The following SCML4 variants were observed in gnomAD, a reference collection of about 807,000 sequenced individuals.
SCML4 encodes Scm polycomb group protein like 4.
A neutral mutation model predicts 41.1 loss-of-function variants in SCML4; 34 were observed. That is an observed-to-expected ratio of 0.83 (90% CI 0.63 to 1.10). SCML4 has a LOEUF of 1.10. Ranked by LOEUF, SCML4 falls within the 50% of genes least tolerant of loss-of-function variation. SCML4 has a pLI of 0.00. For missense variants in SCML4, 522 were observed against 534.1 expected (o/e 0.98, Z 0.22); for synonymous variants, 214 against 220.9 (o/e 0.97, Z 0.28).
intron 5 of SCML4, among the ~76,000 whole-genome samples, chr6:107,724,844 G>C (rs1050899369): frequency 6.6e-6 from 1 of 152,152 alleles, no homozygotes; most frequent in Admixed American, 6.6e-5. Context: ...CAAAAACAAA[G>C]TAGAAGGCTC....
In SCML4 at chr6:107,707,881, C is replaced by T. The variant is rs1325692843; in HGVS notation, c.1104G>A (p.Glu368=). 1.9e-6 allele frequency: 3 copies of T among 1,551,724 alleles called. No homozygotes were observed. Among genetic ancestry groups the T allele is most frequent in the South Asian group, 1.2e-5 (1 of 84,060 alleles). ...ACTCGCATACGTGCTTTCTGAAGAG[C>T]TCCACGTGAGGCCCCAGAGCCTGTG... is the stretch of plus-strand genomic sequence containing the variant. ...ADPQALGPHV[E]LFRKHEIDGN... is the part of the protein sequence containing the mutation. Residue 368 remains glutamate (E), a synonymous_variant, in exon 7 of 8, where the codon GAG becomes GAA. Coordinates refer to ENST00000369020, the MANE Select transcript of SCML4 (RefSeq NM_198081.5).
intron 2 of SCML4, among the ~76,000 whole-genome samples, chr6:107,757,077 G>A (rs1779173815): frequency 6.6e-6 from 1 of 152,216 alleles, no homozygotes. Flanking sequence ...CAAAGCGGTA[G>A]GGCAAAGTGT....
At chr6:107,786,393 AG>A (rs1781898652) in intron 1 of SCML4, among the ~76,000 whole-genome samples, 1 of 152,234 alleles carries the variant, frequency 6.6e-6, no homozygotes, top group African/African-American at 2.4e-5. Flanking sequence ...GTGTTTCTCA[AG>A]GAAGTGGCTT....
chr6:107,806,577 C>T (rs961249445), intron 1 of SCML4, among the ~76,000 whole-genome samples: 15 of 152,210 alleles, frequency 9.9e-5, no homozygotes, highest in Admixed American at 3.9e-4. Flanking sequence ...TACTCTGCAC[C>T]GGGCCTTCCA....
intron 2 of SCML4, chr6:107,755,446 C>A: frequency 9.9e-6 from 2 of 202,332 alleles, no homozygotes; most frequent in Non-Finnish European, 2.1e-5. Context: ...AAAAAGTAGC[C>A]TAGTGTAGAA....
chr6:107,745,171 G>A (rs775924065), intron 4 of SCML4, 28 bp from the exon 5 acceptor site: 3 of 1,511,708 alleles, frequency 2.0e-6, no homozygotes, highest in Middle Eastern at 1.7e-4. Flanking sequence ...TGTCAGCTTA[G>A]AGCCGGGCAC....
At chr6:107,731,697 A>G (rs1327565678) in intron 5 of SCML4, among the ~76,000 whole-genome samples, 2 of 152,214 alleles carry the variant, frequency 1.3e-5, no homozygotes, top group African/African-American at 4.8e-5. Context: ...CCGTGTGTGA[A>G]CAGTTTGGTT....
chr6:107,716,460 TATA>T (rs1774804960), intron 6 of SCML4, among the ~76,000 whole-genome samples: 1 of 152,168 alleles, frequency 6.6e-6, no homozygotes, highest in African/African-American at 2.4e-5. Flanking sequence ...ACATATAACT[TATA>T]ATAAGTCGGA....
chr6:107,836,577 CAGAA>C, the SCML4 span, among the ~76,000 whole-genome samples: 14 of 152,210 alleles, frequency 9.2e-5, no homozygotes. Context: ...TCACAGCATA[CAGAA>C]TTGTTCACCG....
At chr6:107,806,022 T>C (rs1783695108) in intron 1 of SCML4, among the ~76,000 whole-genome samples, 1 of 152,202 alleles carries the variant, frequency 6.6e-6, no homozygotes, top group Non-Finnish European at 1.5e-5. Context: ...ACCACTTCTC[T>C]TCCCTTGTTT....
chr6:107,772,180 C>T lies in SCML4; in HGVS notation c.148G>A (p.Gly50Arg), dbSNP rs756374873. 1.9e-5 allele frequency: 30 copies of T among 1,549,790 alleles called. No individual in the cohort carries two copies. Among genetic ancestry groups the T allele is most frequent in the South Asian group, 1.2e-4 (10 of 83,802 alleles). Residue 50 changes from glycine to arginine, a missense_variant, in exon 2 of 8, where the codon GGG becomes AGG. Transcript: ENST00000369020. ...KIPKKRGRKP[G>R]YKIKSRVLMT... ...AGATGATGGAGCCGTACCTTGTACC[C>T]GGGTTTCCGCCCTCTTTTCTTTGGG...
At chr6:107,837,039 G>A in the SCML4 span, among the ~76,000 whole-genome samples, 3 of 152,128 alleles carry the variant, frequency 2.0e-5, no homozygotes, top group Non-Finnish European at 2.9e-5. Flanking sequence ...GCATACATTA[G>A]GAATTGTATA....
chr6:107,726,272 G>A (rs371815621), intron 5 of SCML4, among the ~76,000 whole-genome samples: 13 of 151,954 alleles, frequency 8.6e-5, no homozygotes, highest in Non-Finnish European at 5.9e-5. Context: ...GGTGGCTCAC[G>A]CCTGTAATCC....
chr6:107,774,355 G>A (rs1780747524), intron 1 of SCML4, among the ~76,000 whole-genome samples: 1 of 151,788 alleles, frequency 6.6e-6, no homozygotes, highest in African/African-American at 2.4e-5. Flanking sequence ...ATAACTAAAG[G>A]TATCTTAAAG....
the SCML4 span, among the ~76,000 whole-genome samples, chr6:107,840,923 A>G: frequency 1.4e-4 from 21 of 152,266 alleles, no homozygotes; most frequent in Middle Eastern, 3.4e-3. Context: ...TGGGGCCCTC[A>G]GAGTGGGAGT....
At chr6:107,839,342 AAAGAAAGAAAGAAAGAAAGAAAGAAG>A in the SCML4 span, among the ~76,000 whole-genome samples, 3,660 of 16,282 alleles carry the variant, frequency 0.22, 108 homozygotes, top group East Asian at 0.46. Flanking sequence ...AGAGAGAGAA[AAAGAAAGAAAGAAAGAAAGAAAGAAG>A]GAAAGAAAGA....
At chr6:107,744,660 G>A (rs531963538) in intron 5 of SCML4, among the ~76,000 whole-genome samples, 1 of 152,322 alleles carries the variant, frequency 6.6e-6, no homozygotes, top group East Asian at 1.9e-4. Context: ...TACATATGAT[G>A]TGATGTGGTC....
chr6:107,819,778 A>G (rs900153958), intron 1 of SCML4, among the ~76,000 whole-genome samples: 1 of 152,162 alleles, frequency 6.6e-6, no homozygotes, highest in African/African-American at 2.4e-5. Context: ...TTATCACTGG[A>G]CTAAAACACA....
chr6:107,794,744 G>T (rs1416663540), intron 1 of SCML4, among the ~76,000 whole-genome samples: 2 of 152,122 alleles, frequency 1.3e-5, no homozygotes, highest in Non-Finnish European at 2.9e-5. Context: ...CACAAACTTG[G>T]TGGCTTGGAA....
Sources: allele counts gnomAD v4.1 joint callset (sites outside exome capture counted in the v4.1 genomes callset), GRCh38; gene constraint gnomAD v4.1.1; transcripts MANE v1.5; gene names NCBI Gene and HGNC (gene_info 2026-07-23, HGNC 2026-07-21).